ATXN7L1: variants seen among roughly 807,000 people sequenced by gnomAD.
ATXN7L1 encodes the protein ataxin-7-like protein 1.
In ATXN7L1, 15 loss-of-function variants were observed where a neutral mutation model predicts 70.8. The observed-to-expected ratio is 0.21, with a 90% CI of 0.14 to 0.33. ATXN7L1 has a LOEUF of 0.33. Among genes scored for constraint, ATXN7L1 ranks in the 10% least tolerant of loss-of-function variants. ATXN7L1 has a pLI of 1.00. For synonymous variants in ATXN7L1, 440 were observed against 445.1 expected, an observed-to-expected ratio of 0.99 and a Z score of 0.14; for missense variants, 975 against 1,097.1, an observed-to-expected ratio of 0.89 and a Z score of 1.57.
intron 3 of ATXN7L1, among the ~76,000 whole-genome samples, chr7:105,752,950 C>A (rs1799379284): frequency 6.6e-6 from 1 of 151,908 alleles, no homozygotes; most frequent in Admixed American, 6.5e-5. Context: ...AATTGAAGAC[C>A]ATAGTGAATT....
At chr7:105,702,222 C>T (rs766377083) in intron 3 of ATXN7L1, among the ~76,000 whole-genome samples, 9 of 152,112 alleles carry the variant, frequency 5.9e-5, no homozygotes, top group Non-Finnish European at 1.3e-4. Flanking sequence ...GGAGGGAGGG[C>T]GAGCAGAAGC....
In ATXN7L1 at chr7:105,860,989, T is replaced by C. The variant is rs186516171; in HGVS notation, c.250+14823A>G. 1.6e-3 allele frequency among the ~76,000 whole-genome samples: 240 copies of C among 152,232 alleles called. 2 individuals carry two copies. Among genetic ancestry groups the C allele is most frequent in the African/African-American group, 5.5e-3 (230 of 41,542 alleles). ...AAGTACACGCTGGGCATGGCTAGCA[T>C]GCACAGGGTGCGGAGAAGGTCCAGG... On this transcript the variant is annotated intron_variant, in intron 2 of 11. Coordinates refer to ENST00000419735, the MANE Select transcript of ATXN7L1 (RefSeq NM_020725.2).
intron 3 of ATXN7L1, among the ~76,000 whole-genome samples, chr7:105,735,500 C>T (rs747702748): frequency 4.6e-5 from 7 of 152,190 alleles, no homozygotes; most frequent in Non-Finnish European, 1.0e-4. Flanking sequence ...TTGCAGCTGG[C>T]AAGAGAGACT....
At chr7:105,720,227 C>T (rs1198505091) in intron 3 of ATXN7L1, among the ~76,000 whole-genome samples, 3 of 152,186 alleles carry the variant, frequency 2.0e-5, no homozygotes, top group Non-Finnish European at 4.4e-5. Context: ...AGAGTGCAGA[C>T]TTGAACAGAC....
intron 3 of ATXN7L1, among the ~76,000 whole-genome samples, chr7:105,705,684 G>C (rs187767497): frequency 9.1e-4 from 139 of 152,220 alleles, no homozygotes; most frequent in South Asian, 1.7e-3. Flanking sequence ...TCTGTGGCTT[G>C]GTGCACAGTG....
chr7:105,653,531 C>T (rs1176140847), intron 4 of ATXN7L1, among the ~76,000 whole-genome samples: 1 of 152,338 alleles, frequency 6.6e-6, no homozygotes, highest in East Asian at 1.9e-4. Context: ...CCCTGAAATT[C>T]AGTCACTCAC....
rs1314128522 is a variant in ATXN7L1, at chr7:105,682,157, G to A, written c.356-16869C>T. Among the ~76,000 whole-genome samples, 7 of 152,044 alleles carry A rather than the reference G, an allele frequency of 4.6e-5. No homozygotes were observed. The South Asian group carries it at 1.0e-3, about 23-fold the overall frequency. ...GGAGGATGGCTTGAACCCAGGAGGC[G>A]GAGGTTGCAGTAAGCCGAGATCACT... is the stretch of plus-strand genomic sequence containing the variant. On this transcript the variant is annotated intron_variant, in intron 3 of 11. Coordinates refer to ENST00000419735, the MANE Select transcript of ATXN7L1 (RefSeq NM_020725.2).
intron 2 of ATXN7L1, among the ~76,000 whole-genome samples, chr7:105,865,887 C>T (rs1817395710): frequency 6.6e-6 from 1 of 152,160 alleles, no homozygotes; most frequent in African/African-American, 2.4e-5. Flanking sequence ...ATTCTACTCG[C>T]TGTCTGTATG....
chr7:105,738,809 T>G (rs1413540036), intron 3 of ATXN7L1, among the ~76,000 whole-genome samples: 2 of 152,242 alleles, frequency 1.3e-5, no homozygotes, highest in African/African-American at 4.8e-5. Flanking sequence ...GTGGGTCTGG[T>G]GCACCTTTGC....
chr7:105,738,745 T>C (rs1797690033), intron 3 of ATXN7L1, among the ~76,000 whole-genome samples: 1 of 152,204 alleles, frequency 6.6e-6, no homozygotes, highest in Admixed American at 6.5e-5. Context: ...CTATAATGAC[T>C]TTTGTATTTT....
intron 3 of ATXN7L1, among the ~76,000 whole-genome samples, chr7:105,764,699 G>C (rs1801012875): frequency 2.0e-5 from 3 of 152,112 alleles, no homozygotes; most frequent in Non-Finnish European, 2.9e-5. Flanking sequence ...TTATTACAAA[G>C]CTTGAAAAGA....
intron 3 of ATXN7L1, among the ~76,000 whole-genome samples, chr7:105,703,135 A>C (rs372087845): frequency 9.3e-5 from 14 of 150,766 alleles, no homozygotes; most frequent in African/African-American, 3.2e-4. Context: ...CAAACAAACA[A>C]ACAAAAAACC....
chr7:105,688,961 T>C (rs1243474407), intron 3 of ATXN7L1, among the ~76,000 whole-genome samples: 1 of 152,228 alleles, frequency 6.6e-6, no homozygotes, highest in Admixed American at 6.5e-5. Flanking sequence ...TCATGGCTGT[T>C]GTTCCAGAAA....
chr7:105,833,576 T>A (rs1198213114), intron 2 of ATXN7L1, among the ~76,000 whole-genome samples: 1 of 151,706 alleles, frequency 6.6e-6, no homozygotes, highest in Non-Finnish European at 1.5e-5. Flanking sequence ...TAATTGGTAA[T>A]GTTCTATATC....
At chr7:105,630,467 T>C (rs941329111) in intron 7 of ATXN7L1, among the ~76,000 whole-genome samples, 2 of 152,156 alleles carry the variant, frequency 1.3e-5, no homozygotes, top group Non-Finnish European at 2.9e-5. Flanking sequence ...TTTTAAAAAA[T>C]ATTTTTTGGC....
intron 3 of ATXN7L1, among the ~76,000 whole-genome samples, chr7:105,698,259 T>A (rs1159318017): frequency 6.6e-6 from 1 of 152,114 alleles, no homozygotes; most frequent in Non-Finnish European, 1.5e-5. Context: ...TGCAACTAGA[T>A]TTTGGCTTAA....
At chr7:105,664,575 G>GTGTATATATATATATATATATA in intron 4 of ATXN7L1, among the ~76,000 whole-genome samples, 5 of 131,986 alleles carry the variant, frequency 3.8e-5, no homozygotes, top group Non-Finnish European at 4.9e-5. Flanking sequence ...GTATGTGTGT[G>GTGTATATATATATATATATATA]TATATATATA....
At chr7:105,720,618 C>T (rs1053070394) in intron 3 of ATXN7L1, among the ~76,000 whole-genome samples, 1 of 152,072 alleles carries the variant, frequency 6.6e-6, no homozygotes. Context: ...GATGAGATCT[C>T]ATTACATTGC....
At chr7:105,749,022 A>T (rs950636559) in intron 3 of ATXN7L1, among the ~76,000 whole-genome samples, 1 of 152,158 alleles carries the variant, frequency 6.6e-6, no homozygotes, top group Admixed American at 6.5e-5. Context: ...GAAGGAAGGG[A>T]ACAGCTTGGG....
Sources: gnomAD v4.1 joint callset for allele counts (sites outside exome capture counted in the v4.1 genomes callset) on GRCh38, gnomAD v4.1.1 for gene constraint, MANE v1.5 for transcripts, NCBI Gene and HGNC (gene_info 2026-07-23, HGNC 2026-07-21) for gene names.